Variants in COL4A6 observed in about 807,000 individuals in gnomAD.
The protein encoded by COL4A6 is collagen type IV alpha 6 chain.
Under a neutral mutation model 126.7 loss-of-function variants are expected in COL4A6, and 59 were observed. The ratio of observed to expected loss-of-function variants is 0.47; its 90% CI spans 0.38 to 0.58. The LOEUF is 0.58. Among genes scored for constraint, COL4A6 ranks in the 20% least tolerant of loss-of-function variants. The probability of loss-of-function intolerance (pLI) is 0.00; values close to 1 mark genes in which losing one functional copy is unlikely to be tolerated. For synonymous variants in COL4A6, 547 were observed against 496.6 expected, an observed-to-expected ratio of 1.10 and a Z score of -1.35; for missense variants, 1,285 against 1,337.3, an observed-to-expected ratio of 0.96 and a Z score of 0.61.
chrX:108,159,356 C>A, intron 44 of COL4A6, 106 bp downstream of exon 44: 1 of 956,648 alleles, frequency 1.0e-6, no homozygotes, highest in South Asian at 2.3e-5. Flanking sequence ...AAGCATTTCT[C>A]TTCTTTTCAA....
chrX:108,388,499 G>A (rs2040753842), intron 2 of COL4A6, among the ~76,000 whole-genome samples: 1 of 112,026 alleles, frequency 8.9e-6, no homozygotes, highest in African/African-American at 3.2e-5. Context: ...TAGTTTATTT[G>A]TGTAGAAGTG....
At chrX:108,238,110 G>T (rs11795568) in intron 3 of COL4A6, among the ~76,000 whole-genome samples, 2,466 of 100,694 alleles carry the variant, frequency 0.024, 98 homozygotes, top group African/African-American at 0.09. Flanking sequence ...GTGTGTGTGT[G>T]TGTTTTTTTT....
chrX:108,172,108 T>G (rs1307691793), intron 32 of COL4A6, among the ~76,000 whole-genome samples: 1 of 111,310 alleles, frequency 9.0e-6, no homozygotes, highest in Non-Finnish European at 1.9e-5. Flanking sequence ...ATCCCAGCAC[T>G]TTGGGAGGCT....
chrX:108,335,527 T>A (rs1160801669), intron 2 of COL4A6, among the ~76,000 whole-genome samples: 1 of 111,800 alleles, frequency 8.9e-6, no homozygotes, highest in Non-Finnish European at 1.9e-5. Flanking sequence ...GCTTTTGAGA[T>A]TTTAAAGAAA....
intron 2 of COL4A6, among the ~76,000 whole-genome samples, chrX:108,416,613 G>A (rs2041440924): frequency 8.9e-6 from 1 of 111,838 alleles, no homozygotes; most frequent in African/African-American, 3.2e-5. Flanking sequence ...AATATTTGGG[G>A]CCCTTCTGTA....
At chrX:108,251,537 A>G (rs774787851) in intron 3 of COL4A6, among the ~76,000 whole-genome samples, 2 of 112,095 alleles carry the variant, frequency 1.8e-5, no homozygotes, top group East Asian at 5.7e-4. Flanking sequence ...CATAGTACTT[A>G]TCATAATTTT....
chrX:108,331,932 T>C (rs1289571171), intron 2 of COL4A6, among the ~76,000 whole-genome samples: 1 of 111,200 alleles, frequency 9.0e-6, no homozygotes, highest in East Asian at 2.8e-4. Context: ...GTCTGGGTTT[T>C]TAGTGTTACC....
At chrX:108,364,649 G>A (rs1281554753) in intron 2 of COL4A6, among the ~76,000 whole-genome samples, 2 of 110,955 alleles carry the variant, frequency 1.8e-5, no homozygotes, top group African/African-American at 6.6e-5. Context: ...ACATTTTTCA[G>A]CTCTCACTTA....
intron 2 of COL4A6, among the ~76,000 whole-genome samples, chrX:108,412,792 T>C (rs891784256): frequency 6.2e-5 from 7 of 112,087 alleles, no homozygotes; most frequent in African/African-American, 2.3e-4. Context: ...AACAAAGGCA[T>C]TTCCCTGACC....
chrX:108,202,930 G>A lies in COL4A6; in HGVS notation c.832C>T (p.Pro278Ser). The change falls in exon 13 of 45, where the codon CCG becomes TCG. Residue 278 changes from proline (P) to serine (S), a missense_variant and splice_region_variant. Coordinates refer to ENST00000334504, the MANE Select transcript of COL4A6 (RefSeq NM_033641.4). ...ATTGATCAAATAGAGAGACTTACCGGGAAGCCTGGAGGGCCACTTATGCCT... is the reference window on the plus strand; with the variant it reads ...ATTGATCAAATAGAGAGACTTACCGAGAAGCCTGGAGGGCCACTTATGCCT... ...FPGISGPPGFPGLGTTGEKGE... is the reference protein window; with the variant it reads ...FPGISGPPGFSGLGTTGEKGE... 1.7e-6 allele frequency: 2 copies of A among 1,208,471 alleles called. No homozygotes were observed. Among genetic ancestry groups the A allele is most frequent in the Non-Finnish European group, 2.2e-6 (2 of 892,824 alleles).
intron 3 of COL4A6, among the ~76,000 whole-genome samples, chrX:108,255,571 T>G (rs2036980148): frequency 9.0e-6 from 1 of 110,962 alleles, no homozygotes; most frequent in South Asian, 3.8e-4. Flanking sequence ...TTTCCCCTAA[T>G]TTTGTTTAGA....
intron 12 of COL4A6, among the ~76,000 whole-genome samples, chrX:108,203,907 A>C (rs191173821): frequency 8.9e-6 from 1 of 112,165 alleles, no homozygotes; most frequent in Non-Finnish European, 1.9e-5. Context: ...TTAAAAAGAT[A>C]ATTCAAGAGC....
intron 3 of COL4A6, among the ~76,000 whole-genome samples, chrX:108,290,754 T>A (rs1243636016): frequency 8.9e-6 from 1 of 112,325 alleles, no homozygotes; most frequent in African/African-American, 3.2e-5. Flanking sequence ...GTCCTTAACC[T>A]AAACCTCAGA....
At chrX:108,398,693 T>C (rs188204777) in intron 2 of COL4A6, among the ~76,000 whole-genome samples, 7 of 111,462 alleles carry the variant, frequency 6.3e-5, no homozygotes, top group African/African-American at 2.3e-4. Flanking sequence ...CATTGAAATA[T>C]AGTTCTATCC....
In COL4A6 at chrX:108,211,592, A is replaced by T. The variant is rs751714230; in HGVS notation, c.510+80T>A. On this transcript the variant is annotated intron_variant, in intron 7 of 44. Transcript: ENST00000334504. ...AGAGACACAGATGCTAGTTCTGGAA[A>T]TGTTTTCACTGGAGGTGGGGCCCAA... 7.8e-5 allele frequency: 70 copies of T among 896,510 alleles called. No individual in the cohort carries two copies. The African/African-American group carries it at 8.7e-4, about 11-fold the overall frequency. The allele number at this position is 896,510 out of a possible 1,213,427, so 73.9% of individuals were successfully genotyped here.
At chrX:108,253,129 A>T (rs1439791855) in intron 3 of COL4A6, among the ~76,000 whole-genome samples, 1 of 111,738 alleles carries the variant, frequency 8.9e-6, no homozygotes, top group Non-Finnish European at 1.9e-5. Context: ...TTTTCAACAT[A>T]GTACTGGAAC....
intron 23 of COL4A6, among the ~76,000 whole-genome samples, chrX:108,184,999 G>A (rs1215800757): frequency 1.8e-5 from 2 of 112,251 alleles, no homozygotes; most frequent in African/African-American, 3.2e-5. Flanking sequence ...ATTACGGGAG[G>A]AGCAGTAGAA....
At chrX:108,266,215 T>C (rs2037298751) in intron 3 of COL4A6, among the ~76,000 whole-genome samples, 1 of 111,495 alleles carries the variant, frequency 9.0e-6, no homozygotes, top group Non-Finnish European at 1.9e-5. Flanking sequence ...GGTGGAAATA[T>C]CTGTTTTGCT....
At chrX:108,394,644 G>C (rs2040923929) in intron 2 of COL4A6, among the ~76,000 whole-genome samples, 1 of 111,489 alleles carries the variant, frequency 9.0e-6, no homozygotes, top group Admixed American at 9.5e-5. Context: ...TGAATTCCTA[G>C]CACCTAGCAC....
Sources: gnomAD v4.1 joint callset for allele counts (sites outside exome capture counted in the v4.1 genomes callset) on GRCh38, gnomAD v4.1.1 for gene constraint, MANE v1.5 for transcripts, NCBI Gene and HGNC (gene_info 2026-07-23, HGNC 2026-07-21) for gene names.